Variants in IGF2BP1 observed in about 807,000 individuals in gnomAD.
The protein encoded by IGF2BP1 is insulin like growth factor 2 mRNA binding protein 1.
In IGF2BP1, 11 loss-of-function variants were observed where a neutral mutation model predicts 74.9. The observed-to-expected ratio is 0.15, with a 90% confidence interval of 0.09 to 0.24. IGF2BP1 has a LOEUF of 0.24. Ranked by LOEUF, IGF2BP1 falls within the 10% of genes least tolerant of loss-of-function variation. The pLI is 1.00. For synonymous variants in IGF2BP1, 287 were observed against 281.8 expected (o/e 1.02, Z -0.18); for missense variants, 440 against 757.4 (o/e 0.58, Z 4.92).
chr17:48,999,755 C>T (rs1343470487), intron 2 of IGF2BP1, among the ~76,000 whole-genome samples: 1 of 151,920 alleles, frequency 6.6e-6, no homozygotes, highest in Non-Finnish European at 1.5e-5. Context: ...TCATCCCTCT[C>T]CCCAGCTGGA....
Position 49,042,233 on chromosome 17 carries a change from T to C in IGF2BP1, c.942-9T>C, listed in dbSNP as rs750035351. 6 of 1,614,152 alleles carry C rather than the reference T, an allele frequency of 3.7e-6. No individual in the cohort carries two copies. Among genetic ancestry groups the C allele is most frequent in the Non-Finnish European group, 5.1e-6 (6 of 1,179,982 alleles). ...CAGTGAAAGGACACAACTCTGCTCT[T>C]TCTGCCAGGTTGCAAGACCTTACCC... is the stretch of plus-strand genomic sequence containing the variant. On this transcript the variant is annotated splice_polypyrimidine_tract_variant and intron_variant, in intron 8 of 14. Transcript: ENST00000290341.
At chr17:49,006,857 C>T (rs1052233247) in intron 2 of IGF2BP1, among the ~76,000 whole-genome samples, 6 of 152,166 alleles carry the variant, frequency 3.9e-5, no homozygotes, top group Admixed American at 1.3e-4. Context: ...TATAGATTCC[C>T]CCAGTACATT....
intron 14 of IGF2BP1, among the ~76,000 whole-genome samples, chr17:49,046,875 CTCA>C (rs1467870287): frequency 6.6e-6 from 1 of 152,106 alleles, no homozygotes; most frequent in East Asian, 1.9e-4. Context: ...TTTCCCAGAA[CTCA>C]TCATTGCCGT....
chr17:49,019,939 TA>T (rs1567815831), intron 2 of IGF2BP1, among the ~76,000 whole-genome samples: 3 of 59,788 alleles, frequency 5.0e-5, no homozygotes, highest in African/African-American at 2.7e-4. Context: ...TATATATATA[TA>T]TATATATATT....
rs1374945025 is a variant in IGF2BP1, at chr17:49,051,316, ACT to A, written c.*1877_*1878del. On this transcript the variant is annotated 3_prime_UTR_variant, in exon 15 of 15. Transcript: ENST00000290341. ...AACATGAGCCAGTAACCCTTTAGGA[ACT>A]CTCTATGGAGAACAGGCCTGGTGGG... 1.2e-4 allele frequency: 18 copies of A among 152,642 alleles called. No individual in the cohort carries two copies. Among genetic ancestry groups the A allele is most frequent in the African/African-American group, 4.1e-4 (17 of 41,446 alleles). The allele number at this position is 152,642 out of a possible 1,614,324, so 9.5% of individuals were successfully genotyped here.
At chr17:49,043,317 C>T (rs928541924) in intron 9 of IGF2BP1, 111 bp from the exon 10 acceptor site, 2 of 1,206,698 alleles carry the variant, frequency 1.7e-6, no homozygotes, top group African/African-American at 1.5e-5. Flanking sequence ...GTATGTAATT[C>T]ATGTTTTTGG....
rs1339350732 is a variant in IGF2BP1, at chr17:49,044,026, C to G, written c.1260C>G (p.Ile420Met). Reference sequence around the variant, plus strand: ...TCCCCGCCCAGGCAGTGGGCGCCATCATCGGCAAGAAGGGGCAGCACATCA... The same window carrying G: ...TCCCCGCCCAGGCAGTGGGCGCCATGATCGGCAAGAAGGGGCAGCACATCA... ...VFIPAQAVGAIIGKKGQHIKQ... is the reference protein window; with the variant it reads ...VFIPAQAVGAMIGKKGQHIKQ... Residue 420 changes from isoleucine (I) to methionine (M), a missense_variant, in exon 11 of 15, where the codon ATC becomes ATG. Physicochemically the swap from Ile to Met is conservative, Grantham distance 10 (BLOSUM62 1). Transcript: ENST00000290341. The G allele has an allele frequency of 6.2e-7, 1 of 1,614,164 alleles. No individual in the cohort carries two copies. The highest frequency in any genetic ancestry group is 1.7e-5 in the Admixed American group (1 of 60,022).
chr17:49,018,519 G>A (rs2041736941), intron 2 of IGF2BP1, among the ~76,000 whole-genome samples: 1 of 152,080 alleles, frequency 6.6e-6, no homozygotes, highest in Non-Finnish European at 1.5e-5. Flanking sequence ...GTGGGGATGG[G>A]GGTTAGGGAG....
intron 14 of IGF2BP1, among the ~76,000 whole-genome samples, chr17:49,048,394 A>C (rs950524573): frequency 6.6e-6 from 1 of 151,818 alleles, no homozygotes; most frequent in Non-Finnish European, 1.5e-5. Context: ...CTGGGATTAC[A>C]GGCGCACGTC....
chr17:49,027,694 T>C (rs2041874134), intron 4 of IGF2BP1, among the ~76,000 whole-genome samples: 1 of 148,844 alleles, frequency 6.7e-6, no homozygotes, highest in Admixed American at 6.7e-5. Flanking sequence ...CTACTGAAAA[T>C]ATAAAAAATT....
chr17:49,021,290 C>A (rs2041789051), intron 2 of IGF2BP1, among the ~76,000 whole-genome samples: 1 of 152,130 alleles, frequency 6.6e-6, no homozygotes, highest in African/African-American at 2.4e-5. Flanking sequence ...CATCTCCCTC[C>A]CAGGGGCCCT....
chr17:49,055,791 G>T lies in IGF2BP1; in HGVS notation c.*6347G>T. On this transcript the variant is annotated 3_prime_UTR_variant, in exon 15 of 15. Coordinates refer to ENST00000290341, the MANE Select transcript of IGF2BP1 (RefSeq NM_006546.4). ...CTCAGAAGAGGGAACGATGTATTTTGATGAGTGCAAATTGGGAAGAGCTGG... is the reference window on the plus strand; with the variant it reads ...CTCAGAAGAGGGAACGATGTATTTTTATGAGTGCAAATTGGGAAGAGCTGG... 5.8e-6 allele frequency: 2 copies of T among 346,188 alleles called. No individual in the cohort carries two copies. The highest frequency in any genetic ancestry group is 1.0e-5 in the Non-Finnish European group (2 of 194,238). 21.4% of individuals were successfully genotyped at this position (346,188 alleles called of 1,614,324 possible).
In IGF2BP1 at chr17:48,997,524, C is replaced by A. The variant is rs2041421079; in HGVS notation, c.-222C>A. On this transcript the variant is annotated 5_prime_UTR_variant, in exon 1 of 15. Transcript: ENST00000290341. The surrounding 1 kb of genome is among the most constrained non-coding windows in gnomAD (Gnocchi z 4.8). ...CCGTGTCGTCCGTCTCCCTGCGCGC[C>A]GCGGGCACTTCTCCTGGGCTCTCCC... is the stretch of plus-strand genomic sequence containing the variant. The A allele has an allele frequency of 3.8e-6, 2 of 523,354 alleles. No individual in the cohort carries two copies. Among genetic ancestry groups the A allele is most frequent in the African/African-American group, 2.0e-5 (1 of 50,048 alleles). 32.4% of individuals were successfully genotyped at this position (523,354 alleles called of 1,614,324 possible). A position where few individuals can be genotyped will look rare whatever the true frequency, so the allele number is the denominator to read the frequency against.
chr17:48,996,857 G>T (rs1042283879), upstream of IGF2BP1, among the ~76,000 whole-genome samples: 4 of 152,048 alleles, frequency 2.6e-5, no homozygotes, highest in African/African-American at 9.7e-5. Flanking sequence ...GCTGGCGTGG[G>T]GAAGGCGGAG....
intron 5 of IGF2BP1, 100 bp from the exon 6 acceptor site, chr17:49,038,068 G>A (rs2144112816): frequency 1.8e-6 from 2 of 1,082,100 alleles, no homozygotes; most frequent in Non-Finnish European, 2.5e-6. Context: ...TTTCTTTAGT[G>A]TGTTCCAAGC....
At position 49,043,494 on chromosome 17, in the gene IGF2BP1, G is replaced by A. The variant is rs377397969; in HGVS notation, c.1144G>A (p.Ala382Thr). 2.8e-5 allele frequency: 45 copies of A among 1,613,952 alleles called. No individual in the cohort carries two copies. The highest frequency in any genetic ancestry group is 3.3e-5 in the Non-Finnish European group (39 of 1,180,014). The change falls in exon 10 of 15, where the codon GCA becomes ACA. Residue 382 changes from alanine to threonine, a missense_variant. Transcript: ENST00000290341. ...AGGTCTTTTCCCAGCTTCATCCAGC[G>A]CAGTCCCGCCGCCTCCCAGCAGCGT... Reference protein sequence around the residue: ...AVGLFPASSSAVPPPPSSVTG... With the variant: ...AVGLFPASSSTVPPPPSSVTG...
chr17:49,001,592 C>T (rs549071080), intron 2 of IGF2BP1, among the ~76,000 whole-genome samples: 3 of 152,104 alleles, frequency 2.0e-5, no homozygotes, highest in South Asian at 2.1e-4. Context: ...CTCAAGAGGC[C>T]GAACACTATG....
chr17:49,042,405 A>T (rs767613184), intron 9 of IGF2BP1, 28 bp downstream of exon 9: 35 of 1,613,680 alleles, frequency 2.2e-5, no homozygotes, highest in Middle Eastern at 1.6e-4. Context: ...CCCTCTGCTT[A>T]TCCTTTCCTG....
At chr17:49,009,171 G>C (rs572904138) in intron 2 of IGF2BP1, among the ~76,000 whole-genome samples, 5 of 151,926 alleles carry the variant, frequency 3.3e-5, no homozygotes, top group Non-Finnish European at 7.4e-5. Flanking sequence ...TGGGACTATA[G>C]GTGTGCGCCA....
Sources: allele counts gnomAD v4.1 joint callset (sites outside exome capture counted in the v4.1 genomes callset), GRCh38; gene constraint gnomAD v4.1.1; non-coding constraint Gnocchi (gnomAD v3.1); transcripts MANE v1.5; gene names NCBI Gene and HGNC (gene_info 2026-07-23, HGNC 2026-07-21).